Variants in ABCA13 observed in about 807,000 individuals in gnomAD.
ABCA13 encodes the protein ATP binding cassette subfamily A member 13, also known as ATP-binding cassette sub-family A member 13.
ABCA13 carries 476 observed loss-of-function variants against 478.7 expected under a neutral mutation model. That is an observed-to-expected ratio of 0.99 (90% CI 0.92 to 1.07). The LOEUF is 1.07. ABCA13 is among the 50% of genes least tolerant of loss of function. ABCA13 has a pLI of 0.00. For missense variants in ABCA13, 6,060 were observed against 5,910.6 expected (o/e 1.03, Z -0.83); for synonymous variants, 2,252 against 2,158.9 (o/e 1.04, Z -1.20).
At chr7:48,202,233 A>G (rs137856601) in intron 3 of ABCA13, among the ~76,000 whole-genome samples, 1 of 152,268 alleles carries the variant, frequency 6.6e-6, no homozygotes, top group Admixed American at 6.5e-5. Context: ...CCCCACCCAC[A>G]TCCTGCTGAT....
chr7:48,186,319 T>C (rs1796343337), intron 1 of ABCA13, among the ~76,000 whole-genome samples: 1 of 152,120 alleles, frequency 6.6e-6, no homozygotes, highest in African/African-American at 2.4e-5. Context: ...TTTCTGGGTA[T>C]ACAATTCTAG....
In ABCA13 at chr7:48,410,886, T is replaced by C. The variant is rs561302732; in HGVS notation, c.12228+209T>C. 1.2e-3 allele frequency among the ~76,000 whole-genome samples: 184 copies of C among 152,320 alleles called. 1 individual carries two copies. Among genetic ancestry groups the C allele is most frequent in the Non-Finnish European group, 1.3e-3 (88 of 68,018 alleles). ...ATTTTGACCGCCAGGAGAAAATACA[T>C]GAGGAGTCAGAATTACCTGATAGAT... On this transcript the variant is annotated intron_variant, in intron 40 of 61. Coordinates refer to ENST00000435803, the MANE Select transcript of ABCA13 (RefSeq NM_152701.5).
At chr7:48,414,521 T>C (rs1819697400) in intron 41 of ABCA13, among the ~76,000 whole-genome samples, 2 of 150,252 alleles carry the variant, frequency 1.3e-5, no homozygotes, top group African/African-American at 4.9e-5. Context: ...ATGAATATTT[T>C]ATTATTTAAT....
At chr7:48,441,174 A>G (rs1823538946) in intron 42 of ABCA13, among the ~76,000 whole-genome samples, 1 of 152,144 alleles carries the variant, frequency 6.6e-6, no homozygotes, top group Admixed American at 6.6e-5. Flanking sequence ...TATGTTACTT[A>G]GTAGATGTAA....
At chr7:48,318,551 C>T (rs1212022018) in intron 27 of ABCA13, among the ~76,000 whole-genome samples, 3 of 149,256 alleles carry the variant, frequency 2.0e-5, no homozygotes, top group Admixed American at 1.3e-4. Context: ...TGTCTACTTC[C>T]TAAAAAAAAA....
chr7:48,415,733 C>A (rs1370226869), intron 41 of ABCA13, among the ~76,000 whole-genome samples: 1 of 151,706 alleles, frequency 6.6e-6, no homozygotes, highest in Non-Finnish European at 1.5e-5. Flanking sequence ...ATTTAAATAT[C>A]ACAGAAAAAA....
In ABCA13 at chr7:48,412,557, G is replaced by T. The variant is rs1219289222; in HGVS notation, c.12433G>T (p.Gly4145Trp). 7 of 1,611,370 alleles carry T rather than the reference G, an allele frequency of 4.3e-6. No homozygotes were observed. The highest frequency in any genetic ancestry group is 5.9e-6 in the Non-Finnish European group (7 of 1,178,834). Residue 4145 changes from glycine to tryptophan, a missense_variant, in exon 41 of 62, where the codon GGG becomes TGG. Coordinates refer to ENST00000435803, the MANE Select transcript of ABCA13 (RefSeq NM_152701.5). Reference protein sequence around the residue: ...NLHQLHLTGYGISDTTLEEVF... With the variant: ...NLHQLHLTGYWISDTTLEEVF... ...GCATCAGCTGCACCTGACGGGCTAT[G>T]GGATCTCAGACACCACCTTAGAAGA...
intron 1 of ABCA13, among the ~76,000 whole-genome samples, chr7:48,177,405 G>C (rs1382375506): frequency 6.6e-6 from 1 of 152,214 alleles, no homozygotes; most frequent in Non-Finnish European, 1.5e-5. Flanking sequence ...CTGCGGGTCA[G>C]TAGTGGGGCT....
Position 48,412,478 on chromosome 7 carries a change from G to GGCCTT in ABCA13, c.12355_12356insCCTTG (p.Asp4119AlafsTer9). 1.2e-6 allele frequency: 2 copies of GGCCTT among 1,613,598 alleles called. No individual in the cohort carries two copies. The highest frequency in any genetic ancestry group is 4.5e-5 in the East Asian group (2 of 44,800). Reference sequence around the variant, plus strand: ...GTGAGCTGACCTACACCATTCCAAAGGACACAGACAAGGCCTGCTTGAAAG... The same window carrying GGCCTT: ...GTGAGCTGACCTACACCATTCCAAAGGCCTTGACACAGACAAGGCCTGCTTGAAAG... On this transcript the variant is annotated frameshift_variant, in exon 41 of 62. Transcript: ENST00000435803. LOFTEE classifies it high-confidence loss of function.
chr7:48,574,945 A>G (rs867875615), intron 55 of ABCA13, among the ~76,000 whole-genome samples: 9 of 152,194 alleles, frequency 5.9e-5, no homozygotes, highest in Non-Finnish European at 1.3e-4. Flanking sequence ...TAATAAAGCA[A>G]AAGGATAATA....
At chr7:48,417,163 T>G (rs1820133392) in intron 41 of ABCA13, among the ~76,000 whole-genome samples, 1 of 152,214 alleles carries the variant, frequency 6.6e-6, no homozygotes. Flanking sequence ...CCCCAGCTTT[T>G]CCATAGACTG....
intron 51 of ABCA13, among the ~76,000 whole-genome samples, chr7:48,513,691 ATATTT>A (rs1416207834): frequency 2.0e-5 from 3 of 152,216 alleles, no homozygotes; most frequent in African/African-American, 7.2e-5. Context: ...AAATGATATT[ATATTT>A]TAATAAAAGC....
intron 59 of ABCA13, among the ~76,000 whole-genome samples, chr7:48,636,926 C>T (rs574236216): frequency 6.6e-6 from 1 of 152,108 alleles, no homozygotes; most frequent in Non-Finnish European, 1.5e-5. Context: ...AATCTTAAAG[C>T]AATTCTTCTC....
chr7:48,202,397 A>G (rs577747143), intron 3 of ABCA13, among the ~76,000 whole-genome samples: 25 of 152,296 alleles, frequency 1.6e-4, no homozygotes, highest in Admixed American at 3.3e-4. Context: ...GGAGCTAGAT[A>G]CAGAAGTGTC....
intron 38 of ABCA13, among the ~76,000 whole-genome samples, chr7:48,392,476 G>A (rs777677139): frequency 1.8e-4 from 28 of 152,164 alleles, no homozygotes; most frequent in Admixed American, 3.3e-4. Flanking sequence ...CAAAGGCAGC[G>A]GGAAAACTGG....
At chr7:48,472,514 CAAATGAAGTTATTTGTCT>C (rs1012902694) in intron 45 of ABCA13, among the ~76,000 whole-genome samples, 1 of 151,968 alleles carries the variant, frequency 6.6e-6, no homozygotes, top group Non-Finnish European at 1.5e-5. Context: ...TCTAGGGTGT[CAAATGAAGTTATTTGTCT>C]CATGGCCAAG....
Position 48,279,356 on chromosome 7 carries a change from A to T in ABCA13, c.8162A>T (p.Asp2721Val). The T allele has an allele frequency of 6.3e-7, 1 of 1,587,822 alleles. No individual in the cohort carries two copies. The highest frequency in any genetic ancestry group is 8.6e-7 in the Non-Finnish European group (1 of 1,164,824). Residue 2721 changes from aspartate (D) to valine (V), a missense_variant, in exon 18 of 62, where the codon GAT becomes GTT. By Grantham distance (152) the Asp-to-Val change is radical (BLOSUM62 -3). Coordinates refer to ENST00000435803, the MANE Select transcript of ABCA13 (RefSeq NM_152701.5). ...EIIHEVIPFL[D>V]KILSQNSTEI... Reference sequence around the variant, plus strand: ...ATTCATGAAGTGATCCCTTTTTTGGATAAAATATTATCACAAAACAGCACA... The same window carrying T: ...ATTCATGAAGTGATCCCTTTTTTGGTTAAAATATTATCACAAAACAGCACA...
intron 41 of ABCA13, among the ~76,000 whole-genome samples, chr7:48,420,466 T>C (rs1263520842): frequency 6.6e-6 from 1 of 152,218 alleles, no homozygotes; most frequent in Non-Finnish European, 1.5e-5. Context: ...AGACAAAACT[T>C]TCTGGCATAA....
rs569703880 is a variant in ABCA13, at chr7:48,272,647, A to G, written c.2981A>G (p.His994Arg). 1.2e-6 allele frequency: 2 copies of G among 1,613,152 alleles called. No homozygotes were observed. The highest frequency in any genetic ancestry group is 2.2e-5 in the South Asian group (2 of 91,032). ...ACTTTCCTTACACAAATCTCAAAAC[A>G]CATTTTGGATATCATAAAACAATTT... ...SLTFLTQISK[H>R]ILDIIKQFNF... Residue 994 changes from histidine to arginine, a missense_variant, in exon 17 of 62, where the codon CAC (histidine) becomes CGC (arginine). Physicochemically the swap from His to Arg is conservative, Grantham distance 29. Transcript: ENST00000435803.
Sources: allele counts gnomAD v4.1 joint callset (sites outside exome capture counted in the v4.1 genomes callset), GRCh38; gene constraint gnomAD v4.1.1; transcripts MANE v1.5; gene names NCBI Gene and HGNC (gene_info 2026-07-23, HGNC 2026-07-21).